Variants in TRMT11 observed in about 807,000 individuals in gnomAD.
The protein encoded by TRMT11 is tRNA methyltransferase 11.
TRMT11 carries 53 observed loss-of-function variants against 62.8 expected under a neutral mutation model. That is an observed-to-expected ratio of 0.84 (90% CI 0.68 to 1.06). The LOEUF is 1.06. TRMT11 is among the 50% of genes least tolerant of loss of function. TRMT11 has a pLI of 0.00. For synonymous variants in TRMT11, 188 were observed against 190.3 expected (o/e 0.99, Z 0.10); for missense variants, 556 against 553.4 (o/e 1.00, Z -0.05).
At chr6:126,144,151 T>C (rs1777949511) in intron 21 of TRMT11, among the ~76,000 whole-genome samples, 1 of 152,212 alleles carries the variant, frequency 6.6e-6, no homozygotes, top group African/African-American at 2.4e-5. Flanking sequence ...GTTTAGGTTT[T>C]GCTTGGCCAA....
chr6:126,032,844 A>G (rs1774462303), intron 12 of TRMT11, among the ~76,000 whole-genome samples: 1 of 152,194 alleles, frequency 6.6e-6, no homozygotes, highest in Admixed American at 6.5e-5. Context: ...GTTCTAGAAT[A>G]AAAACAATCA....
In TRMT11 at chr6:125,993,848, A is replaced by G. The variant is rs74726612; in HGVS notation, c.138+26A>G. On this transcript the variant is annotated intron_variant, in intron 2 of 12. Coordinates refer to ENST00000334379, the MANE Select transcript of TRMT11 (RefSeq NM_001031712.3). ...GTAAGTTAAATTTTCATTAGACCAT[A>G]TGGAGTATACTTAGAAATAGAGCCT... 2.6e-4 allele frequency: 372 copies of G among 1,448,194 alleles called. 2 individuals are homozygous for G. In the African/African-American group the frequency reaches 4.6e-3, roughly 18 times the overall value. 89.7% of individuals were successfully genotyped at this position (1,448,194 alleles called of 1,614,324 possible). A position where few individuals can be genotyped will look rare whatever the true frequency, so the allele number is the denominator to read the frequency against.
At chr6:126,025,595 C>A (rs937186715) in intron 12 of TRMT11, among the ~76,000 whole-genome samples, 3 of 152,136 alleles carry the variant, frequency 2.0e-5, no homozygotes, top group African/African-American at 7.2e-5. Context: ...TTAATTACTT[C>A]ATTTCTACCT....
At chr6:126,034,964 G>T in intron 12 of TRMT11, among the ~76,000 whole-genome samples, 1 of 152,066 alleles carries the variant, frequency 6.6e-6, no homozygotes, top group East Asian at 1.9e-4. Flanking sequence ...TGAAAAATAT[G>T]TAGAGTTGAA....
chr6:126,125,755 G>T (rs1777710307), intron 21 of TRMT11, among the ~76,000 whole-genome samples: 1 of 152,034 alleles, frequency 6.6e-6, no homozygotes, highest in South Asian at 2.1e-4. Flanking sequence ...AGTGTGGTGA[G>T]CCAGCGTAAG....
At chr6:126,232,117 C>T in the TRMT11 span, among the ~76,000 whole-genome samples, 1 of 151,868 alleles carries the variant, frequency 6.6e-6, no homozygotes, top group Non-Finnish European at 1.5e-5. Context: ...AAAATAAAAA[C>T]AAAATATGTA....
the TRMT11 span, among the ~76,000 whole-genome samples, chr6:126,216,904 G>C: frequency 6.6e-6 from 1 of 151,948 alleles, no homozygotes. Context: ...CTATTTTCTA[G>C]ATTCTGTAGG....
At chr6:126,269,574 C>T in the TRMT11 span, among the ~76,000 whole-genome samples, 1 of 152,310 alleles carries the variant, frequency 6.6e-6, no homozygotes, top group Non-Finnish European at 1.5e-5. Context: ...TCTGAAGGTA[C>T]ACTTCCAACC....
intron 12 of TRMT11, among the ~76,000 whole-genome samples, chr6:126,022,131 C>T: frequency 6.9e-6 from 1 of 143,970 alleles, no homozygotes; most frequent in East Asian, 2.1e-4. Context: ...GCAACCTCCA[C>T]CTTCTGGTTT....
intron 17 of TRMT11, among the ~76,000 whole-genome samples, chr6:126,053,322 G>C (rs571317972): frequency 2.6e-4 from 39 of 152,276 alleles, no homozygotes; most frequent in African/African-American, 9.1e-4. Flanking sequence ...TTGACATCTG[G>C]GGCTTTGCTG....
chr6:126,186,926 T>C lies in TRMT11; in HGVS notation n.143+9591T>C, dbSNP rs529562180. The stretch of plus-strand genomic sequence containing the variant: ...CCAACTTTTATAAAAAGTCAATGCC[T>C]ATTAATGATAAAAATTTCTCTGTAA... On this transcript the variant is annotated intron_variant and non_coding_transcript_variant, in intron 1 of 3. Transcript: ENST00000444229. Among the ~76,000 whole-genome samples the C allele has an allele frequency of 1.8e-4, 28 of 152,198 alleles. No homozygotes were observed. The East Asian group carries it at 5.4e-3, about 29-fold the overall frequency.
At chr6:126,049,578 C>T (rs1562306068) in intron 16 of TRMT11, among the ~76,000 whole-genome samples, 1 of 151,950 alleles carries the variant, frequency 6.6e-6, no homozygotes, top group Non-Finnish European at 1.5e-5. Flanking sequence ...TGGTTGATGT[C>T]TATGGGAGTT....
intron 1 of TRMT11, among the ~76,000 whole-genome samples, chr6:126,185,151 A>G (rs527829120): frequency 4.3e-4 from 66 of 152,226 alleles, no homozygotes; most frequent in African/African-American, 1.6e-3. Flanking sequence ...TTTGCAGGCA[A>G]TCCCCTGGAA....
At chr6:125,987,763 A>G (rs181474876) in intron 1 of TRMT11, among the ~76,000 whole-genome samples, 1 of 152,326 alleles carries the variant, frequency 6.6e-6, no homozygotes, top group African/African-American at 2.4e-5. Flanking sequence ...CCTGGGGTGT[A>G]TATAGGTAGG....
Position 126,097,310 on chromosome 6 carries a change from A to C in TRMT11, c.*1438-15556A>C, listed in dbSNP as rs1038172104. ...TTGTTGGAGACCTACTAACTGCTAA[A>C]ACATAGCAATAAATAATGCCTACAT... On this transcript the variant is annotated intron_variant and NMD_transcript_variant, in intron 17 of 22. Transcript: ENST00000648977. Among the ~76,000 whole-genome samples the C allele has an allele frequency of 2.6e-5, 4 of 152,184 alleles. No individual in the cohort carries two copies. In the East Asian group the frequency reaches 7.7e-4, roughly 29 times the overall value.
At chr6:125,990,982 C>T (rs887766337) in intron 1 of TRMT11, among the ~76,000 whole-genome samples, 15 of 152,140 alleles carry the variant, frequency 9.9e-5, no homozygotes, top group African/African-American at 3.6e-4. Flanking sequence ...CGCAGTGGCT[C>T]ACTCCTGTAA....
intron 17 of TRMT11, among the ~76,000 whole-genome samples, chr6:126,086,561 C>G (rs764744821): frequency 6.6e-6 from 1 of 152,152 alleles, no homozygotes; most frequent in African/African-American, 2.4e-5. Context: ...TACCTCATCC[C>G]GTCTCCCTGC....
chr6:126,139,087 A>G (rs902173071), intron 21 of TRMT11, among the ~76,000 whole-genome samples: 1 of 151,986 alleles, frequency 6.6e-6, no homozygotes, highest in Non-Finnish European at 1.5e-5. Flanking sequence ...TCCTGGTTCA[A>G]TTCCTGGATT....
At chr6:126,139,192 A>T (rs186163600) in intron 21 of TRMT11, among the ~76,000 whole-genome samples, 4 of 152,114 alleles carry the variant, frequency 2.6e-5, no homozygotes. Context: ...AATTTTATTA[A>T]ATTTAAATAG....
Sources: allele counts gnomAD v4.1 joint callset (sites outside exome capture counted in the v4.1 genomes callset), GRCh38; gene constraint gnomAD v4.1.1; transcripts MANE v1.5; gene names NCBI Gene and HGNC (gene_info 2026-07-23, HGNC 2026-07-21).